The following CNTNAP2 variants were observed in gnomAD, a reference collection of about 807,000 sequenced individuals.
CNTNAP2 encodes the protein contactin associated protein 2, also known as contactin-associated protein-like 2.
A neutral mutation model predicts 155.2 loss-of-function variants in CNTNAP2; 98 were observed. The ratio of observed to expected loss-of-function variants is 0.63; its 90% CI spans 0.54 to 0.75. The LOEUF is 0.75. Ranked by LOEUF, CNTNAP2 falls within the 30% of genes least tolerant of loss-of-function variation. The probability of loss-of-function intolerance (pLI) is 0.00; values close to 1 mark genes in which losing one functional copy is unlikely to be tolerated. For synonymous variants in CNTNAP2, 651 were observed against 631.2 expected, an observed-to-expected ratio of 1.03 and a Z score of -0.47; for missense variants, 1,727 against 1,688.1, an observed-to-expected ratio of 1.02 and a Z score of -0.40.
intron 8 of CNTNAP2, among the ~76,000 whole-genome samples, chr7:147,226,862 A>G (rs1209740285): frequency 1.3e-5 from 2 of 152,244 alleles, no homozygotes; most frequent in Admixed American, 1.3e-4. Context: ...TTTAACAAAT[A>G]TTTATTTAGT....
At chr7:146,754,506 A>G (rs983862956) in intron 1 of CNTNAP2, among the ~76,000 whole-genome samples, 3 of 151,818 alleles carry the variant, frequency 2.0e-5, no homozygotes, top group African/African-American at 7.2e-5. Flanking sequence ...CCAATGAGAA[A>G]TAAAATTAAG....
chr7:146,367,808 G>A (rs1240031862), intron 1 of CNTNAP2, among the ~76,000 whole-genome samples: 1 of 151,928 alleles, frequency 6.6e-6, no homozygotes, highest in Non-Finnish European at 1.5e-5. Context: ...TATGCATCTA[G>A]ATGACTATTT....
intron 3 of CNTNAP2, among the ~76,000 whole-genome samples, chr7:146,956,540 G>A (rs923175728): frequency 1.3e-5 from 2 of 152,148 alleles, no homozygotes; most frequent in African/African-American, 4.8e-5. Flanking sequence ...TTTCCTGCTT[G>A]TGCTGGCAAA....
chr7:147,630,481 A>G (rs1177849093), intron 12 of CNTNAP2, among the ~76,000 whole-genome samples: 1 of 152,124 alleles, frequency 6.6e-6, no homozygotes. Flanking sequence ...TGTGAAGTCA[A>G]TATCACCCTA....
rs151233205 is a variant in CNTNAP2 at position 148,345,350 on chromosome 7, A to ATTTG, written c.3476-38279_3476-38276dup. On this transcript the variant is annotated intron_variant, in intron 21 of 23. Coordinates refer to ENST00000361727, the MANE Select transcript of CNTNAP2 (RefSeq NM_014141.6). ...AGCGCTGTCACTAGATTCTATTTTTATTTGTTTGTTTGTTTGTTTGTTTAT... is the reference window on the plus strand; with the variant it reads ...AGCGCTGTCACTAGATTCTATTTTTATTTGTTTGTTTGTTTGTTTGTTTGTTTAT... Among the ~76,000 whole-genome samples, 45 of 151,120 alleles carry ATTTG rather than the reference A, an allele frequency of 3.0e-4. No individual in the cohort carries two copies. The East Asian group carries it at 6.8e-3, about 23-fold the overall frequency.
At chr7:146,454,761 ATAGAT>A (rs1796531513) in intron 1 of CNTNAP2, among the ~76,000 whole-genome samples, 2 of 152,134 alleles carry the variant, frequency 1.3e-5, no homozygotes, top group Non-Finnish European at 2.9e-5. Flanking sequence ...GATAGATAAG[ATAGAT>A]TAGATCATAG....
intron 1 of CNTNAP2, among the ~76,000 whole-genome samples, chr7:146,692,541 GA>G (rs1800715594): frequency 6.6e-6 from 1 of 152,106 alleles, no homozygotes; most frequent in African/African-American, 2.4e-5. Flanking sequence ...AGGGAAAATA[GA>G]AAGGATGAAA....
At chr7:148,137,379 G>A (rs1328894546) in intron 16 of CNTNAP2, among the ~76,000 whole-genome samples, 4 of 152,218 alleles carry the variant, frequency 2.6e-5, no homozygotes, top group Non-Finnish European at 5.9e-5. Flanking sequence ...AAATGATTCA[G>A]TTGGGCACAG....
intron 8 of CNTNAP2, among the ~76,000 whole-genome samples, chr7:147,140,834 G>T (rs1027892708): frequency 4.6e-5 from 7 of 152,092 alleles, no homozygotes; most frequent in Non-Finnish European, 1.5e-5. Context: ...GAGAGCCTCT[G>T]GAGCTCATTG....
chr7:148,410,869 G>A (rs1418824846), intron 23 of CNTNAP2, among the ~76,000 whole-genome samples: 1 of 152,098 alleles, frequency 6.6e-6, no homozygotes, highest in East Asian at 1.9e-4. Flanking sequence ...CAAGTTCCGG[G>A]TTTGCTAGCA....
chr7:146,218,407 G>T (rs1465219476), intron 1 of CNTNAP2, among the ~76,000 whole-genome samples: 2 of 152,098 alleles, frequency 1.3e-5, no homozygotes, highest in Non-Finnish European at 2.9e-5. Flanking sequence ...TACTCGGGAG[G>T]CTGAGGCAGG....
intron 18 of CNTNAP2, among the ~76,000 whole-genome samples, chr7:148,216,952 T>C (rs1245050584): frequency 6.6e-6 from 1 of 152,196 alleles, no homozygotes; most frequent in African/African-American, 2.4e-5. Context: ...GACATGACTT[T>C]GCTCCTCCTT....
intron 13 of CNTNAP2, among the ~76,000 whole-genome samples, chr7:147,720,780 C>T (rs1249066102): frequency 6.6e-6 from 1 of 152,102 alleles, no homozygotes; most frequent in Non-Finnish European, 1.5e-5. Context: ...CCCAGCCATG[C>T]TGAACTGTGA....
intron 1 of CNTNAP2, among the ~76,000 whole-genome samples, chr7:146,698,295 T>A (rs1424879967): frequency 1.3e-5 from 2 of 152,108 alleles, no homozygotes; most frequent in African/African-American, 4.8e-5. Context: ...TCTGAGTCAT[T>A]TTTTTCTCTG....
chr7:148,283,180 G>A (rs1324018515), intron 21 of CNTNAP2, among the ~76,000 whole-genome samples: 2 of 147,446 alleles, frequency 1.4e-5, no homozygotes, highest in Non-Finnish European at 3.0e-5. Context: ...TGGAGTTGCA[G>A]TGAGCCACCA....
chr7:147,978,141 G>C lies in CNTNAP2; in HGVS notation c.2383+152G>C, dbSNP rs575668747. The C allele has an allele frequency of 2.8e-5, 31 of 1,103,542 alleles. No homozygotes were observed. The African/African-American group carries it at 3.7e-4, about 13-fold the overall frequency. The allele number at this position is 1,103,542 out of a possible 1,614,324, so 68.4% of individuals were successfully genotyped here. On this transcript the variant is annotated intron_variant, in intron 15 of 23. Coordinates refer to ENST00000361727, the MANE Select transcript of CNTNAP2 (RefSeq NM_014141.6). ...CAAGCAGAGATAACTTAGAGGAGGG[G>C]AACAGCCATAAAGCCTCCAGTACAG...
chr7:146,728,025 C>T (rs541648812), intron 1 of CNTNAP2, among the ~76,000 whole-genome samples: 28 of 152,096 alleles, frequency 1.8e-4, no homozygotes, highest in African/African-American at 6.3e-4. Context: ...GCTAAACCGA[C>T]GATTTCAACT....
intron 6 of CNTNAP2, chr7:147,121,391 T>C (rs1211550077): frequency 6.3e-6 from 3 of 473,006 alleles, no homozygotes; most frequent in Non-Finnish European, 1.1e-5. Flanking sequence ...ATGTAATAAT[T>C]TGAAGAGAGG....
intron 1 of CNTNAP2, among the ~76,000 whole-genome samples, chr7:146,744,828 C>A (rs925591449): frequency 3.9e-5 from 6 of 152,110 alleles, no homozygotes; most frequent in Admixed American, 1.3e-4. Flanking sequence ...AAAAAAAACA[C>A]AAAGCTTAAG....
Sources: allele counts gnomAD v4.1 joint callset (sites outside exome capture counted in the v4.1 genomes callset), GRCh38; gene constraint gnomAD v4.1.1; transcripts MANE v1.5; gene names NCBI Gene and HGNC (gene_info 2026-07-23, HGNC 2026-07-21).